Variants in KDM7A observed in about 807,000 individuals in gnomAD.
KDM7A encodes the protein lysine demethylase 7A, also known as lysine-specific demethylase 7A.
KDM7A carries 28 observed loss-of-function variants against 114.8 expected under a neutral mutation model. The ratio of observed to expected loss-of-function variants is 0.24; its 90% CI spans 0.18 to 0.33. The LOEUF is 0.33. KDM7A is among the 10% of genes least tolerant of loss of function. The pLI, the probability that KDM7A is intolerant of heterozygous loss-of-function variation, is 1.00. For missense variants in KDM7A, 942 were observed against 1,142.5 expected (o/e 0.82, Z 2.53); for synonymous variants, 423 against 397.8 (o/e 1.06, Z -0.75).
At chr7:140,171,605 A>G (rs1421807938) in intron 1 of KDM7A, among the ~76,000 whole-genome samples, 1 of 144,846 alleles carries the variant, frequency 6.9e-6, no homozygotes, top group African/African-American at 2.5e-5. Context: ...GTATTTATAT[A>G]TTTATATTTT....
At chr7:140,171,609 A>G (rs1794642715) in intron 1 of KDM7A, among the ~76,000 whole-genome samples, 1 of 137,206 alleles carries the variant, frequency 7.3e-6, no homozygotes, top group South Asian at 2.2e-4. Context: ...TTATATATTT[A>G]TATTTTTACA....
chr7:140,094,486 C>A (rs987402471), intron 17 of KDM7A, among the ~76,000 whole-genome samples: 1 of 150,052 alleles, frequency 6.7e-6, no homozygotes, highest in African/African-American at 2.5e-5. Context: ...GCCTAGGCAA[C>A]AGAGTGAGAC....
At chr7:140,145,171 T>A (rs1794326986) in intron 1 of KDM7A, among the ~76,000 whole-genome samples, 1 of 152,232 alleles carries the variant, frequency 6.6e-6, no homozygotes, top group Non-Finnish European at 1.5e-5. Context: ...TCAACAATGT[T>A]CACCCATGTG....
Position 140,167,516 on chromosome 7 carries a change from A to G in KDM7A, c.194+9228T>C, listed in dbSNP as rs540225302. On this transcript the variant is annotated intron_variant, in intron 1 of 19. Transcript: ENST00000397560. The stretch of plus-strand genomic sequence containing the variant: ...TGTTTTGGCATCTGAAGTCACTGGG[A>G]CAAATGGACATTTCAATAAATAGTA... 5.3e-5 allele frequency among the ~76,000 whole-genome samples: 8 copies of G among 152,322 alleles called. No individual in the cohort carries two copies. The South Asian group carries it at 1.7e-3, about 32-fold the overall frequency.
chr7:140,174,174 AAAAAG>A (rs1794676294), intron 1 of KDM7A, among the ~76,000 whole-genome samples: 1 of 152,034 alleles, frequency 6.6e-6, no homozygotes, highest in Non-Finnish European at 1.5e-5. Context: ...CAAAAAAAAA[AAAAAG>A]AAAAAGAAAA....
At chr7:140,099,425 G>C (rs534380252) in intron 13 of KDM7A, among the ~76,000 whole-genome samples, 17 of 152,200 alleles carry the variant, frequency 1.1e-4, no homozygotes, top group African/African-American at 4.1e-4. Flanking sequence ...TTAAACTCCT[G>C]GTCTCAAGAG....
chr7:140,131,132 G>C (rs1818779431), intron 3 of KDM7A, among the ~76,000 whole-genome samples: 1 of 152,104 alleles, frequency 6.6e-6, no homozygotes, highest in Admixed American at 6.6e-5. Flanking sequence ...CTCCCAAAGT[G>C]CTGGGATTAC....
intron 11 of KDM7A, among the ~76,000 whole-genome samples, chr7:140,106,265 G>GT (rs1179383875): frequency 1.3e-5 from 2 of 152,042 alleles, no homozygotes; most frequent in African/African-American, 2.4e-5. Flanking sequence ...TTTTTGAAGG[G>GT]TTTTTTGTGT....
chr7:140,131,841 C>CTA (rs1388578146), intron 3 of KDM7A, among the ~76,000 whole-genome samples: 2 of 152,086 alleles, frequency 1.3e-5, no homozygotes, highest in Non-Finnish European at 2.9e-5. Flanking sequence ...TGGAGACAAA[C>CTA]TAAACATATA....
intron 1 of KDM7A, among the ~76,000 whole-genome samples, chr7:140,160,516 G>T (rs567240217): frequency 6.6e-6 from 1 of 152,170 alleles, no homozygotes; most frequent in Non-Finnish European, 1.5e-5. Flanking sequence ...GACAGTCTCC[G>T]ATTTACAATG....
intron 7 of KDM7A, among the ~76,000 whole-genome samples, chr7:140,121,728 C>T (rs940991290): frequency 2.0e-5 from 3 of 152,084 alleles, no homozygotes; most frequent in East Asian, 1.9e-4. Context: ...AATTTTCCTG[C>T]GCATTCATAT....
At chr7:140,167,801 G>A (rs1326573460) in intron 1 of KDM7A, among the ~76,000 whole-genome samples, 2 of 151,872 alleles carry the variant, frequency 1.3e-5, no homozygotes, top group Admixed American at 6.5e-5. Flanking sequence ...AATTTTGCAT[G>A]GCAAAAAAAT....
intron 9 of KDM7A, among the ~76,000 whole-genome samples, chr7:140,116,158 T>C (rs1435173959): frequency 6.6e-6 from 1 of 152,262 alleles, no homozygotes; most frequent in Non-Finnish European, 1.5e-5. Flanking sequence ...TCTGGAGTAA[T>C]TCTTGTACTA....
At chr7:140,137,267 G>A (rs1368633449) in intron 2 of KDM7A, among the ~76,000 whole-genome samples, 3 of 152,130 alleles carry the variant, frequency 2.0e-5, no homozygotes, top group African/African-American at 7.2e-5. Flanking sequence ...AAGTTAAGTC[G>A]TGATCCATTA....
intron 1 of KDM7A, among the ~76,000 whole-genome samples, chr7:140,173,019 A>G (rs1224087173): frequency 6.6e-6 from 1 of 152,200 alleles, no homozygotes; most frequent in African/African-American, 2.4e-5. Flanking sequence ...TTACATTCTA[A>G]CAGGAAGAAA....
intron 11 of KDM7A, among the ~76,000 whole-genome samples, chr7:140,108,702 AG>A (rs1469536868): frequency 6.6e-6 from 1 of 152,184 alleles, no homozygotes; most frequent in Non-Finnish European, 1.5e-5. Flanking sequence ...TCTCCCATTT[AG>A]GCTACCCAGG....
intron 7 of KDM7A, among the ~76,000 whole-genome samples, chr7:140,121,672 C>G (rs991950783): frequency 6.6e-6 from 1 of 152,202 alleles, no homozygotes; most frequent in Non-Finnish European, 1.5e-5. Flanking sequence ...ATATGTGAGA[C>G]AGTTCCATAC....
chr7:140,133,851 T>C (rs894461937), intron 2 of KDM7A, among the ~76,000 whole-genome samples, 195 bp from the exon 3 acceptor site: 1 of 152,196 alleles, frequency 6.6e-6, no homozygotes, highest in African/African-American at 2.4e-5. Context: ...CTGTGGATTT[T>C]TAAAACCTAC....
At chr7:140,171,584 T>TTC (rs1794642213) in intron 1 of KDM7A, among the ~76,000 whole-genome samples, 1 of 143,778 alleles carries the variant, frequency 7.0e-6, no homozygotes, top group Non-Finnish European at 1.5e-5. Flanking sequence ...TATATATATT[T>TTC]TTATATAGTT....
Sources: gnomAD v4.1 joint callset for allele counts (sites outside exome capture counted in the v4.1 genomes callset) on GRCh38, gnomAD v4.1.1 for gene constraint, MANE v1.5 for transcripts, NCBI Gene and HGNC (gene_info 2026-07-23, HGNC 2026-07-21) for gene names.